Variants in SASH1 observed in about 807,000 individuals in gnomAD.
SASH1 encodes the protein SAM and SH3 domain containing 1, also known as SAM and SH3 domain-containing protein 1.
A neutral mutation model predicts 125.2 loss-of-function variants in SASH1; 44 were observed. The ratio of observed to expected loss-of-function variants is 0.35; its 90% CI spans 0.28 to 0.45. The LOEUF (loss-of-function observed/expected upper bound fraction) is 0.45, where lower values mean the gene tolerates loss of function less well. Among genes scored for constraint, SASH1 ranks in the 20% least tolerant of loss-of-function variants. The pLI, the probability that SASH1 is intolerant of heterozygous loss-of-function variation, is 1.00. For synonymous variants in SASH1, 639 were observed against 649.1 expected, an observed-to-expected ratio of 0.98 and a Z score of 0.24; for missense variants, 1,426 against 1,614.5, an observed-to-expected ratio of 0.88 and a Z score of 2.00.
At chr6:148,274,447 A>C (rs1170759424) in intron 1 of SASH1, among the ~76,000 whole-genome samples, 2 of 152,208 alleles carry the variant, frequency 1.3e-5, no homozygotes, top group Non-Finnish European at 2.9e-5. Flanking sequence ...AGGTGCCAAA[A>C]TTTGACTGCA....
At chr6:148,413,909 G>A (rs1467480110) in intron 2 of SASH1, among the ~76,000 whole-genome samples, 1 of 151,260 alleles carries the variant, frequency 6.6e-6, no homozygotes, top group Non-Finnish European at 1.5e-5. Context: ...AAAAAAAAAA[G>A]AATAAATATA....
intron 2 of SASH1, among the ~76,000 whole-genome samples, chr6:148,427,000 G>A (rs762103566): frequency 2.2e-4 from 34 of 152,108 alleles, no homozygotes; most frequent in Admixed American, 5.9e-4. Context: ...TACATGCTCA[G>A]TGTGGGTGGT....
chr6:148,206,353 T>C, the SASH1 span, among the ~76,000 whole-genome samples: 5 of 152,208 alleles, frequency 3.3e-5, no homozygotes, highest in Non-Finnish European at 5.9e-5. Context: ...TATCCCATAT[T>C]GCATTTCACT....
At chr6:148,298,105 C>G (rs1290602729) in intron 1 of SASH1, among the ~76,000 whole-genome samples, 1 of 147,952 alleles carries the variant, frequency 6.8e-6, no homozygotes, top group Non-Finnish European at 1.5e-5. Flanking sequence ...CTCCTGGGTT[C>G]AAGCGATTCT....
chr6:148,286,813 G>A (rs1428581874), intron 1 of SASH1, among the ~76,000 whole-genome samples: 3 of 152,086 alleles, frequency 2.0e-5, no homozygotes, highest in Non-Finnish European at 4.4e-5. Context: ...ATAAATTTGG[G>A]GGGATGGGAC....
rs1358005686 is a variant in SASH1 at position 148,463,696 on chromosome 6, T to TA, written c.387-4849_387-4848insA. On this transcript the variant is annotated intron_variant, in intron 4 of 19. Coordinates refer to ENST00000367467, the MANE Select transcript of SASH1 (RefSeq NM_015278.5). ...TCTTATCTGCAGCTCTAGACTCACA[T>TA]GTCCAACTGTTTCTTTACTGTCTGC... 8.9e-3 allele frequency among the ~76,000 whole-genome samples: 1,363 copies of TA among 152,318 alleles called. 22 individuals are homozygous for TA. Among genetic ancestry groups the TA allele is most frequent in the African/African-American group, 0.031 (1,289 of 41,564 alleles).
chr6:148,515,003 T>C (rs1019260885), intron 9 of SASH1, among the ~76,000 whole-genome samples: 1 of 152,212 alleles, frequency 6.6e-6, no homozygotes, highest in Non-Finnish European at 1.5e-5. Flanking sequence ...TTAAGAGTTG[T>C]ATTGCTGGGG....
At chr6:148,446,101 T>TTTTTTTTTTTTCTTTTTTTTC in intron 4 of SASH1, among the ~76,000 whole-genome samples, 1 of 8,518 alleles carries the variant, frequency 1.2e-4, no homozygotes. Flanking sequence ...TTTTTTTTTT[T>TTTTTTTTTTTTCTTTTTTTTC]TTTTTTTTTT....
intron 1 of SASH1, among the ~76,000 whole-genome samples, chr6:148,365,134 A>G (rs1224852773): frequency 6.6e-6 from 1 of 151,682 alleles, no homozygotes; most frequent in African/African-American, 2.4e-5. Flanking sequence ...AAAAAAAAAA[A>G]GAAAGGAGAG....
chr6:148,439,368 G>A (rs1776447024), intron 2 of SASH1, among the ~76,000 whole-genome samples: 2 of 152,184 alleles, frequency 1.3e-5, no homozygotes, highest in Admixed American at 1.3e-4. Flanking sequence ...ATTTGTGTTA[G>A]GGAAGTATAG....
chr6:148,417,776 G>A (rs1170924593), intron 2 of SASH1, among the ~76,000 whole-genome samples: 1 of 151,846 alleles, frequency 6.6e-6, no homozygotes, highest in East Asian at 1.9e-4. Context: ...GTTTTTTTCA[G>A]ATTACACGTA....
intron 2 of SASH1, among the ~76,000 whole-genome samples, chr6:148,410,268 GC>G (rs1468420454): frequency 6.6e-6 from 1 of 151,272 alleles, no homozygotes; most frequent in East Asian, 2.0e-4. Flanking sequence ...CCGCCACCAC[GC>G]CCAGCTAATT....
Position 148,343,147 on chromosome 6 carries a change from C to G in SASH1, c.80C>G (p.Pro27Arg). 1 of 1,599,040 alleles carries G rather than the reference C, an allele frequency of 6.3e-7. No individual in the cohort carries two copies. Among genetic ancestry groups the G allele is most frequent in the Admixed American group, 1.7e-5 (1 of 59,886 alleles). ...CCGGAGCCCGAGCCCGCGCCGGAGC[C>G]GGAACCGGAGCCCAAGCCGGGTGCT... Reference protein sequence around the residue: ...PEPEPEPAPEPEPEPKPGAGT... With the variant: ...PEPEPEPAPEREPEPKPGAGT... Residue 27 changes from proline (P) to arginine (R), a missense_variant, in exon 1 of 20, where the codon CCG (proline) becomes CGG (arginine). Physicochemically the swap from Pro to Arg is moderately radical, Grantham distance 103 (BLOSUM62 -2). This residue lies in a region of SASH1 where 567 missense variants were observed against 575.6 expected (regional missense o/e 0.99). Coordinates refer to ENST00000367467, the MANE Select transcript of SASH1 (RefSeq NM_015278.5).
chr6:148,391,044 C>T (rs1231082180), intron 2 of SASH1, among the ~76,000 whole-genome samples: 1 of 151,334 alleles, frequency 6.6e-6, no homozygotes, highest in South Asian at 2.1e-4. Context: ...GGTGTTTTAG[C>T]GGGTATCCTT....
chr6:148,453,784 C>A (rs146498395), intron 4 of SASH1, among the ~76,000 whole-genome samples: 1 of 152,184 alleles, frequency 6.6e-6, no homozygotes, highest in South Asian at 2.1e-4. Context: ...ACCATCAGGA[C>A]AGGGGAACTG....
At chr6:148,426,674 C>G (rs1775838047) in intron 2 of SASH1, among the ~76,000 whole-genome samples, 2 of 152,082 alleles carry the variant, frequency 1.3e-5, no homozygotes, top group Non-Finnish European at 2.9e-5. Flanking sequence ...CTGTTTTATC[C>G]TCGTTGACTT....
At chr6:148,302,341 ACTAGT>A (rs1779986156) in intron 1 of SASH1, among the ~76,000 whole-genome samples, 73 of 104,328 alleles carry the variant, frequency 7.0e-4, no homozygotes, top group East Asian at 3.5e-3. Flanking sequence ...AAAAAAAAAA[ACTAGT>A]AATATTATGA....
chr6:148,369,940 C>T (rs1186102821), intron 1 of SASH1, among the ~76,000 whole-genome samples: 1 of 111,652 alleles, frequency 9.0e-6, no homozygotes. Context: ...AGCAACACAG[C>T]GAGATTGTCT....
At chr6:148,409,900 C>G (rs573970706) in intron 2 of SASH1, among the ~76,000 whole-genome samples, 11 of 152,064 alleles carry the variant, frequency 7.2e-5, no homozygotes, top group South Asian at 4.2e-4. Flanking sequence ...GATTGCACCA[C>G]TGCACTCCAG....
Sources: allele counts gnomAD v4.1 joint callset (sites outside exome capture counted in the v4.1 genomes callset), GRCh38; gene constraint gnomAD v4.1.1; regional missense constraint gnomAD v4.1.1; transcripts MANE v1.5; gene names NCBI Gene and HGNC (gene_info 2026-07-23, HGNC 2026-07-21).